Variants in SATL1 observed in about 807,000 individuals in gnomAD.
The protein encoded by SATL1 is spermidine/spermine N1-acetyl transferase like 1, also known as spermidine/spermine N(1)-acetyltransferase-like protein 1.
In SATL1, 47 loss-of-function variants were observed where a neutral mutation model predicts 51.8. The ratio of observed to expected loss-of-function variants is 0.91; its 90% CI spans 0.72 to 1.16. The LOEUF (loss-of-function observed/expected upper bound fraction) is 1.16, where lower values mean the gene tolerates loss of function less well. Among genes scored for constraint, SATL1 ranks in the 50% most tolerant of loss-of-function variants. The pLI is 0.00. For synonymous variants in SATL1, 176 were observed against 182.4 expected (o/e 0.97, Z 0.28); for missense variants, 520 against 526.4 (o/e 0.99, Z 0.12).
intron 2 of SATL1, among the ~76,000 whole-genome samples, chrX:85,132,355 T>C (rs1181841847): frequency 1.8e-5 from 2 of 111,272 alleles, no homozygotes. Flanking sequence ...TTCTTTTTAC[T>C]CTTTTTTTTT....
chrX:85,222,329 G>A (rs1199320548), intron 2 of SATL1, among the ~76,000 whole-genome samples: 1 of 111,755 alleles, frequency 8.9e-6, no homozygotes, highest in Non-Finnish European at 1.9e-5. Flanking sequence ...ATAGTGATTA[G>A]TCAAGAAATC....
chrX:85,162,202 TA>T (rs1452639056), intron 2 of SATL1, among the ~76,000 whole-genome samples: 5 of 111,214 alleles, frequency 4.5e-5, no homozygotes, highest in African/African-American at 1.6e-4. Context: ...ATGCCCACGA[TA>T]AAAAGTTAGA....
In SATL1 at chrX:85,126,374, C is replaced by T. The variant is rs1374203799; in HGVS notation, c.-312-17094G>A. Among the ~76,000 whole-genome samples, 5 of 111,385 alleles carry T rather than the reference C, an allele frequency of 4.5e-5. No homozygotes were observed. In the East Asian group the frequency reaches 1.4e-3, roughly 32 times the overall value. On this transcript the variant is annotated intron_variant, in intron 2 of 7. Coordinates refer to ENST00000644105, the MANE Select transcript of SATL1 (RefSeq NM_001367857.2). ...GTACTTGGAATTTTTCTAAACATTACAAACATATTAATTCATTTAATCCTA... is the reference window on the plus strand; with the variant it reads ...GTACTTGGAATTTTTCTAAACATTATAAACATATTAATTCATTTAATCCTA...
Position 85,107,338 on chromosome X carries a change from C to G in SATL1, c.1631G>C (p.Arg544Pro). 8.3e-7 allele frequency: 1 copy of G among 1,209,674 alleles called. No homozygotes were observed. Among genetic ancestry groups the G allele is most frequent in the South Asian group, 1.8e-5 (1 of 56,881 alleles). ...TAAAAATAGGCTTACTTTAATCAGT[C>G]GCAAAATTTCTGGGCAGTCTCCAGC... ...AEAGDCPEILRLIKELAACEN... is the reference protein window; with the variant it reads ...AEAGDCPEILPLIKELAACEN... The change falls in exon 3 of 8, where the codon CGA (arginine) becomes CCA (proline). Residue 544 changes from arginine to proline, a missense_variant. Arg to Pro is a moderately radical substitution (Grantham distance 103). Transcript: ENST00000644105.
chrX:85,139,651 C>T (rs1009328449), intron 2 of SATL1, among the ~76,000 whole-genome samples: 4 of 111,742 alleles, frequency 3.6e-5, no homozygotes, highest in Admixed American at 1.9e-4. Context: ...TTCCTCATTA[C>T]ACTGTCCTGA....
intron 2 of SATL1, among the ~76,000 whole-genome samples, chrX:85,143,707 T>A (rs2147715345): frequency 9.0e-6 from 1 of 111,410 alleles, no homozygotes; most frequent in African/African-American, 3.3e-5. Context: ...AAGAGATAAA[T>A]AATTATTTCC....
intron 2 of SATL1, among the ~76,000 whole-genome samples, chrX:85,133,449 C>T (rs932789102): frequency 4.5e-5 from 5 of 112,332 alleles, no homozygotes; most frequent in Non-Finnish European, 9.4e-5. Context: ...GTGTGGGACC[C>T]GCTGAGCCAT....
At chrX:85,133,379 C>T (rs1195445528) in intron 2 of SATL1, among the ~76,000 whole-genome samples, 2 of 112,165 alleles carry the variant, frequency 1.8e-5, no homozygotes, top group East Asian at 2.8e-4. Flanking sequence ...CACCCCTCCC[C>T]CAGCCAGGCT....
chrX:85,159,920 G>C (rs1326710359), intron 2 of SATL1, among the ~76,000 whole-genome samples: 2 of 111,537 alleles, frequency 1.8e-5, no homozygotes, highest in African/African-American at 6.5e-5. Context: ...ACCTTGGCTG[G>C]CACCATCCAT....
At chrX:85,195,620 C>T (rs755715216) in intron 2 of SATL1, among the ~76,000 whole-genome samples, 1 of 110,139 alleles carries the variant, frequency 9.1e-6, no homozygotes, top group East Asian at 2.9e-4. Context: ...CAAGACCAGC[C>T]TGGCCAACGT....
chrX:85,114,453 C>A (rs959814932), intron 2 of SATL1, among the ~76,000 whole-genome samples: 1 of 111,491 alleles, frequency 9.0e-6, no homozygotes, highest in African/African-American at 3.3e-5. Context: ...TCTAATGTCA[C>A]AATCTCCAAA....
At chrX:85,123,494 C>G (rs1358900088) in intron 2 of SATL1, among the ~76,000 whole-genome samples, 1 of 111,765 alleles carries the variant, frequency 8.9e-6, no homozygotes, top group Non-Finnish European at 1.9e-5. Context: ...CCTTTGCCCA[C>G]TTTTTAACGG....
intron 2 of SATL1, among the ~76,000 whole-genome samples, chrX:85,111,115 A>G (rs1359151143): frequency 1.8e-5 from 2 of 113,115 alleles, no homozygotes; most frequent in Non-Finnish European, 3.7e-5. Context: ...AACAATTTGC[A>G]TAATTTGTTG....
chrX:85,197,242 G>A (rs928673623), intron 2 of SATL1, among the ~76,000 whole-genome samples: 2 of 110,614 alleles, frequency 1.8e-5, no homozygotes, highest in African/African-American at 6.6e-5. Flanking sequence ...ATTTTTCTGG[G>A]TACATAGTAG....
At chrX:85,146,982 G>A (rs1764249461) in intron 2 of SATL1, among the ~76,000 whole-genome samples, 1 of 112,666 alleles carries the variant, frequency 8.9e-6, no homozygotes, top group Non-Finnish European at 1.9e-5. Context: ...GACAGTGGGT[G>A]CAGCGCACCG....
intron 1 of SATL1, among the ~76,000 whole-genome samples, chrX:85,229,662 A>T: frequency 9.0e-6 from 1 of 111,304 alleles, no homozygotes; most frequent in Non-Finnish European, 1.9e-5. Context: ...GAAGAAATTT[A>T]CCTTGACATA....
intron 2 of SATL1, among the ~76,000 whole-genome samples, chrX:85,198,908 G>T (rs1417269685): frequency 1.8e-5 from 2 of 108,185 alleles, no homozygotes; most frequent in Admixed American, 1.0e-4. Flanking sequence ...ACACAATCTC[G>T]GTTCACTGCA....
chrX:85,102,239 C>A (rs985930816), intron 4 of SATL1, among the ~76,000 whole-genome samples: 1 of 100,597 alleles, frequency 9.9e-6, no homozygotes, highest in Admixed American at 1.1e-4. Flanking sequence ...CCCCCTCCCC[C>A]CACCCCACAA....
At chrX:85,217,530 CG>C (rs1928074449) in intron 2 of SATL1, among the ~76,000 whole-genome samples, 1 of 111,340 alleles carries the variant, frequency 9.0e-6, no homozygotes, top group Non-Finnish European at 1.9e-5. Flanking sequence ...TAGGAAAAGC[CG>C]TGGAAAAGGT....
Sources: allele counts gnomAD v4.1 joint callset (sites outside exome capture counted in the v4.1 genomes callset), GRCh38; gene constraint gnomAD v4.1.1; transcripts MANE v1.5; gene names NCBI Gene and HGNC (gene_info 2026-07-23, HGNC 2026-07-21).